The following UBE3B variants were observed in gnomAD, a reference collection of about 807,000 sequenced individuals.
The protein encoded by UBE3B is ubiquitin-protein ligase E3B.
Under a neutral mutation model 132.3 loss-of-function variants are expected in UBE3B, and 80 were observed. The observed-to-expected ratio is 0.60, with a 90% CI of 0.50 to 0.73. The LOEUF is 0.73. Ranked by LOEUF, UBE3B falls within the 30% of genes least tolerant of loss-of-function variation. The pLI is 0.00. For synonymous variants in UBE3B, 487 were observed against 520.4 expected, an observed-to-expected ratio of 0.94 and a Z score of 0.87; for missense variants, 1,196 against 1,362.5, an observed-to-expected ratio of 0.88 and a Z score of 1.92.
At chr12:109,497,954 A>G (rs776407171) in intron 10 of UBE3B, 31 bp downstream of exon 10, 106 of 1,606,468 alleles carry the variant, frequency 6.6e-5, no homozygotes, top group Non-Finnish European at 8.3e-5. Context: ...CCCCGTGAAA[A>G]CCCAATTGTG....
At chr12:109,502,081 A>G (rs1386686265) in intron 13 of UBE3B, among the ~76,000 whole-genome samples, 4 of 152,216 alleles carry the variant, frequency 2.6e-5, no homozygotes, top group Non-Finnish European at 2.9e-5. Context: ...AGGTGAACAC[A>G]ATCAAGATTG....
the UBE3B span, among the ~76,000 whole-genome samples, chr12:109,544,244 G>A: frequency 1.3e-5 from 2 of 152,190 alleles, no homozygotes; most frequent in Non-Finnish European, 2.9e-5. Context: ...GGCCATGGAC[G>A]GACATTGCCC....
At chr12:109,487,013 T>A (rs999913015) in intron 6 of UBE3B, among the ~76,000 whole-genome samples, 1 of 152,214 alleles carries the variant, frequency 6.6e-6, no homozygotes, top group East Asian at 1.9e-4. Flanking sequence ...GTTCTGATTC[T>A]CCCTCTCATT....
At chr12:109,524,594 CA>C in intron 23 of UBE3B, 91 bp downstream of exon 23, 7 of 1,411,424 alleles carry the variant, frequency 5.0e-6, no homozygotes, top group South Asian at 1.2e-5. Flanking sequence ...GAAAGAGCCC[CA>C]AGCTGAGGCT....
At chr12:109,517,009 G>C (rs755711617) in intron 19 of UBE3B, 125 bp downstream of exon 19, 3 of 1,405,410 alleles carry the variant, frequency 2.1e-6, no homozygotes, top group Non-Finnish European at 2.8e-6. Flanking sequence ...TTAAGGCTCT[G>C]GGAGCAGGAA....
chr12:109,542,215 C>T, the UBE3B span, among the ~76,000 whole-genome samples: 1 of 152,190 alleles, frequency 6.6e-6, no homozygotes, highest in African/African-American at 2.4e-5. Flanking sequence ...TCACTGCCTC[C>T]TCCTCACCCA....
rs763004002 is a variant in UBE3B, at chr12:109,509,560, A to T, written c.1623-36A>T. 3.7e-5 allele frequency: 53 copies of T among 1,432,290 alleles called. No individual in the cohort carries two copies. In the Admixed American group the frequency reaches 1.2e-3, roughly 32 times the overall value. The allele number at this position is 1,432,290 out of a possible 1,614,324, so 88.7% of individuals were successfully genotyped here. On this transcript the variant is annotated intron_variant, in intron 15 of 27. Coordinates refer to ENST00000342494, the MANE Select transcript of UBE3B (RefSeq NM_130466.4). ...ATTTTTTTTCTCTTCGCCTTTTTTC[A>T]GTGTGGAATTGTGGGTAATTTTCTC...
At chr12:109,488,465 C>A in intron 6 of UBE3B, 107 bp from the exon 7 acceptor site, 1 of 977,622 alleles carries the variant, frequency 1.0e-6, no homozygotes, top group Non-Finnish European at 1.6e-6. Flanking sequence ...ATAATCCTGA[C>A]TCAGTGATTC....
intron 9 of UBE3B, among the ~76,000 whole-genome samples, chr12:109,495,060 C>G (rs1878000552): frequency 6.6e-6 from 1 of 152,232 alleles, no homozygotes; most frequent in East Asian, 1.9e-4. Flanking sequence ...TTCTTTCTAA[C>G]CTGCAGAAAA....
chr12:109,483,712 G>A lies in UBE3B; in HGVS notation c.161G>A (p.Arg54Lys), dbSNP rs1360420097. ...LCRSRLQRDIRREIDDFFKAD... is the reference protein window; with the variant it reads ...LCRSRLQRDIKREIDDFFKAD... ...CGGAGTCGACTGCAGAGAGATATCA[G>A]GTAAGGGCTAGGATCTCCCTAGCAC... The change falls in exon 3 of 28, where the codon AGG (arginine) becomes AAG (lysine). Residue 54 changes from arginine (R) to lysine (K), a missense_variant and splice_region_variant. Physicochemically the swap from Arg to Lys is conservative, Grantham distance 26. Coordinates refer to ENST00000342494, the MANE Select transcript of UBE3B (RefSeq NM_130466.4). The A allele has an allele frequency of 1.3e-6, 2 of 1,599,294 alleles. No individual in the cohort carries two copies. The highest frequency in any genetic ancestry group is 2.3e-5 in the South Asian group (2 of 88,308).
intron 2 of UBE3B, 78 bp from the exon 3 acceptor site, chr12:109,483,453 C>A: frequency 1.4e-6 from 2 of 1,441,082 alleles, no homozygotes; most frequent in Non-Finnish European, 1.8e-6. Context: ...CCCTGCCCAC[C>A]CTCTGCTCTT....
At chr12:109,520,999 G>A in intron 19 of UBE3B, 149 bp from the exon 20 acceptor site, 2 of 814,560 alleles carry the variant, frequency 2.5e-6, no homozygotes, top group South Asian at 3.8e-5. Flanking sequence ...TCAAAAGCAG[G>A]TGAGAACGGC....
At chr12:109,516,244 T>C (rs1190927840) in intron 18 of UBE3B, among the ~76,000 whole-genome samples, 1 of 144,720 alleles carries the variant, frequency 6.9e-6, no homozygotes, top group Non-Finnish European at 1.5e-5. Context: ...CGATCTTGGC[T>C]CACTGTAACC....
intron 27 of UBE3B, 157 bp downstream of exon 27, chr12:109,533,715 C>T: frequency 1.2e-6 from 1 of 857,466 alleles, no homozygotes; most frequent in South Asian, 1.4e-5. Flanking sequence ...GTTCTCACGG[C>T]AGGAGAACCA....
intron 9 of UBE3B, among the ~76,000 whole-genome samples, chr12:109,497,391 A>G (rs1878349025): frequency 6.6e-6 from 1 of 152,246 alleles, no homozygotes; most frequent in Non-Finnish European, 1.5e-5. Context: ...GCTTAACTGA[A>G]TTATGAGTTA....
In UBE3B at chr12:109,510,411, G is replaced by A. The variant is rs1880219731; in HGVS notation, c.1809G>A (p.Glu603=). Residue 603 remains glutamate (E), a synonymous_variant, in exon 17 of 28, where the codon GAG becomes GAA. Coordinates refer to ENST00000342494, the MANE Select transcript of UBE3B (RefSeq NM_130466.4). ...ACGGGTGGCTTATGGTGCTGTACGA[G>A]CGGGACTGCCGGCGGCGCTTCACCC... ...SVHGWLMVLY[E]RDCRRRFTPE... The A allele has an allele frequency of 1.2e-6, 2 of 1,613,268 alleles. No homozygotes were observed. Among genetic ancestry groups the A allele is most frequent in the Non-Finnish European group, 1.7e-6 (2 of 1,179,722 alleles).
chr12:109,515,527 G>A (rs976324423), intron 18 of UBE3B, among the ~76,000 whole-genome samples: 2 of 152,022 alleles, frequency 1.3e-5, no homozygotes, highest in East Asian at 1.9e-4. Context: ...GTGCCACCAC[G>A]CCCAGCTAAT....
At chr12:109,483,757 T>A in intron 3 of UBE3B, 45 bp downstream of exon 3, 1 of 1,575,692 alleles carries the variant, frequency 6.3e-7, no homozygotes, top group Non-Finnish European at 8.6e-7. Flanking sequence ...TGGCTCCCAA[T>A]TAATAGCAGA....
At chr12:109,515,035 T>TC (rs749946688) in intron 18 of UBE3B, among the ~76,000 whole-genome samples, 14 of 151,794 alleles carry the variant, frequency 9.2e-5, no homozygotes, top group Non-Finnish European at 1.6e-4. Flanking sequence ...TGCCTCAGCC[T>TC]CCCGAGTAGC....
Sources: gnomAD v4.1 joint callset for allele counts (sites outside exome capture counted in the v4.1 genomes callset) on GRCh38, gnomAD v4.1.1 for gene constraint, MANE v1.5 for transcripts, NCBI Gene and HGNC (gene_info 2026-07-23, HGNC 2026-07-21) for gene names.